Variants in RFC1 observed in about 807,000 individuals in gnomAD.
RFC1 encodes the protein A1 140 kDa subunit.
Under a neutral mutation model 137.4 loss-of-function variants are expected in RFC1, and 37 were observed. The observed-to-expected ratio is 0.27, with a 90% CI of 0.21 to 0.35. The LOEUF (loss-of-function observed/expected upper bound fraction) is 0.35, where lower values mean the gene tolerates loss of function less well. Ranked by LOEUF, RFC1 falls within the 10% of genes least tolerant of loss-of-function variation. RFC1 has a pLI of 1.00. For missense variants in RFC1, 1,205 were observed against 1,358.5 expected (o/e 0.89, Z 1.78); for synonymous variants, 429 against 455.7 (o/e 0.94, Z 0.75).
intron 6 of RFC1, among the ~76,000 whole-genome samples, chr4:39,325,394 T>A (rs145084854): frequency 1.1e-3 from 168 of 152,264 alleles, no homozygotes; most frequent in African/African-American, 3.9e-3. Context: ...TGAATATTAT[T>A]TTCCGAGAGA....
intron 14 of RFC1, among the ~76,000 whole-genome samples, chr4:39,305,880 T>C (rs1738621837): frequency 6.6e-6 from 1 of 152,202 alleles, no homozygotes; most frequent in African/African-American, 2.4e-5. Flanking sequence ...TTAATGTTTA[T>C]AAACACAGTG....
At position 39,316,043 on chromosome 4, in the gene RFC1, C is replaced by G. The variant is rs928811824; in HGVS notation, c.1203+872G>C. Among the ~76,000 whole-genome samples, 3 of 152,276 alleles carry G rather than the reference C, an allele frequency of 2.0e-5. 1 individual carries two copies. Among genetic ancestry groups the G allele is most frequent in the Admixed American group, 2.0e-4 (3 of 15,292 alleles). On this transcript the variant is annotated intron_variant, in intron 10 of 24. Coordinates refer to ENST00000349703, the MANE Select transcript of RFC1 (RefSeq NM_002913.5). ...GTCGAGAGTTCGAGGCCAGCCTGACCAACATGGAGAAACCCCATCTCTACT... is the reference window on the plus strand; with the variant it reads ...GTCGAGAGTTCGAGGCCAGCCTGACGAACATGGAGAAACCCCATCTCTACT...
chr4:39,290,423 CA>C (rs1337354839), intron 23 of RFC1, among the ~76,000 whole-genome samples: 7 of 150,846 alleles, frequency 4.6e-5, no homozygotes, highest in African/African-American at 1.7e-4. Flanking sequence ...GGCAAACAAA[CA>C]AACAAAAGGT....
chr4:39,330,648 T>A (rs2109698102), intron 4 of RFC1, among the ~76,000 whole-genome samples: 1 of 152,292 alleles, frequency 6.6e-6, no homozygotes, highest in Non-Finnish European at 1.5e-5. Flanking sequence ...ATTTCTACAT[T>A]CAATGAGATA....
At position 39,300,385 on chromosome 4, in the gene RFC1, A is replaced by G. The variant is rs1421364314; in HGVS notation, c.2565T>C (p.Phe855=). 6 of 1,614,174 alleles carry G rather than the reference A, an allele frequency of 3.7e-6. No individual in the cohort carries two copies. Among genetic ancestry groups the G allele is most frequent in the Non-Finnish European group, 5.1e-6 (6 of 1,179,980 alleles). ...TGTGAGCAGTCTCCTCTCCAGCTGCAAACACTTTCCGGGCAACATCAAATG... is the reference window on the plus strand; with the variant it reads ...TGTGAGCAGTCTCCTCTCCAGCTGCGAACACTTTCCGGGCAACATCAAATG... The part of the protein sequence containing the change: ...MGPFDVARKV[F]AAGEETAHMS... Residue 855 remains phenylalanine, a synonymous_variant, in exon 20 of 25, where the codon TTT becomes TTC. Transcript: ENST00000349703.
chr4:39,313,505 G>A (rs1739070575), intron 10 of RFC1, among the ~76,000 whole-genome samples: 1 of 152,126 alleles, frequency 6.6e-6, no homozygotes, highest in Non-Finnish European at 1.5e-5. Flanking sequence ...CCCAATCCCT[G>A]CCCGCAAGAG....
intron 12 of RFC1, 55 bp from the exon 13 acceptor site, chr4:39,309,087 C>A: frequency 6.6e-7 from 1 of 1,525,376 alleles, no homozygotes. Flanking sequence ...TACAGAATTT[C>A]TATCCTGCTA....
intron 22 of RFC1, among the ~76,000 whole-genome samples, chr4:39,293,788 G>C (rs1369730278): frequency 6.6e-6 from 1 of 152,174 alleles, no homozygotes; most frequent in Non-Finnish European, 1.5e-5. Flanking sequence ...GGGAGCATCT[G>C]AGAGGGCTAC....
rs759343700 is a variant in RFC1, at chr4:39,287,640, G to A, written c.*1121C>T. Reference sequence around the variant, plus strand: ...TTCATTTTAGTATATACCTCACAGAGGTAGCACAGACCTCTGAGCATTTAC... The same window carrying A: ...TTCATTTTAGTATATACCTCACAGAAGTAGCACAGACCTCTGAGCATTTAC... On this transcript the variant is annotated 3_prime_UTR_variant, in exon 25 of 25. Transcript: ENST00000349703. 6.6e-6 allele frequency: 1 copy of A among 152,084 alleles called. No individual in the cohort carries two copies. The highest frequency in any genetic ancestry group is 1.5e-5 in the Non-Finnish European group (1 of 68,014). 9.4% of individuals were successfully genotyped at this position (152,084 alleles called of 1,614,324 possible).
rs753765864 is a variant in RFC1 at position 39,303,096 on chromosome 4, A to G, written c.2166T>C (p.Asp722=). Residue 722 remains aspartate, a synonymous_variant, in exon 16 of 25, where the codon GAT becomes GAC. Transcript: ENST00000349703. The part of the protein sequence containing the change: ...TKHALIMDEV[D]GMAGNEDRGG... ...CCCTATCCTCATTGCCTGCCATGCC[A>G]TCTACTTCATCCATGATGAGAGCAT... The G allele has an allele frequency of 1.2e-6, 2 of 1,613,982 alleles. No individual in the cohort carries two copies. The highest frequency in any genetic ancestry group is 8.5e-7 in the Non-Finnish European group (1 of 1,179,872).
chr4:39,324,074 G>T (rs546763294), intron 6 of RFC1, among the ~76,000 whole-genome samples: 1 of 152,234 alleles, frequency 6.6e-6, no homozygotes, highest in South Asian at 2.1e-4. Flanking sequence ...TCTTCCAAAA[G>T]AGAATATATA....
At chr4:39,299,145 C>T (rs917049591) in intron 21 of RFC1, among the ~76,000 whole-genome samples, 4 of 152,248 alleles carry the variant, frequency 2.6e-5, no homozygotes, top group African/African-American at 9.6e-5. Context: ...TAAGAACATG[C>T]TCCTGCTACA....
At chr4:39,336,255 C>T (rs1247159810) in intron 4 of RFC1, among the ~76,000 whole-genome samples, 1 of 152,144 alleles carries the variant, frequency 6.6e-6, no homozygotes, top group East Asian at 1.9e-4. Context: ...TTTGAATCAT[C>T]ATATAAAATA....
At chr4:39,311,015 T>C (rs971871228) in intron 12 of RFC1, among the ~76,000 whole-genome samples, 7 of 151,878 alleles carry the variant, frequency 4.6e-5, no homozygotes, top group Non-Finnish European at 1.0e-4. Flanking sequence ...GTGTCAGGTA[T>C]CTGTAGTTCC....
chr4:39,355,096 A>ATACACAC (rs59993299), intron 1 of RFC1, among the ~76,000 whole-genome samples: 5,463 of 59,176 alleles, frequency 0.092, 151 homozygotes, highest in Non-Finnish European at 0.11. Flanking sequence ...AAAAAAAAAA[A>ATACACAC]ATACACACAC....
intron 1 of RFC1, among the ~76,000 whole-genome samples, chr4:39,363,252 T>C (rs1350612841): frequency 6.6e-6 from 1 of 152,130 alleles, no homozygotes; most frequent in Non-Finnish European, 1.5e-5. Flanking sequence ...ACATGGCTTC[T>C]TTATTTCTTT....
At chr4:39,307,974 A>G (rs537907845) in intron 13 of RFC1, among the ~76,000 whole-genome samples, 20 of 152,272 alleles carry the variant, frequency 1.3e-4, no homozygotes, top group African/African-American at 4.8e-4. Flanking sequence ...CAGTTAAGAA[A>G]ATACTTTGGA....
chr4:39,321,593 T>C, intron 7 of RFC1: 2 of 448,430 alleles, frequency 4.5e-6, no homozygotes, highest in South Asian at 7.4e-5. Flanking sequence ...GGTATAAAAA[T>C]ACATCTATAA....
At chr4:39,349,794 C>T (rs1230931489) in intron 2 of RFC1, among the ~76,000 whole-genome samples, 2 of 152,080 alleles carry the variant, frequency 1.3e-5, no homozygotes, top group Admixed American at 6.6e-5. Flanking sequence ...CACCTGAGAT[C>T]GGGAGTTTGA....
Sources: gnomAD v4.1 joint callset for allele counts (sites outside exome capture counted in the v4.1 genomes callset) on GRCh38, gnomAD v4.1.1 for gene constraint, MANE v1.5 for transcripts, NCBI Gene and HGNC (gene_info 2026-07-23, HGNC 2026-07-21) for gene names.